Variants in AGBL1 observed in about 807,000 individuals in gnomAD.
The protein encoded by AGBL1 is AGBL carboxypeptidase 1.
In AGBL1, 130 loss-of-function variants were observed where a neutral mutation model predicts 118.9. That is an observed-to-expected ratio of 1.09 (90% CI 0.95 to 1.26). The LOEUF is 1.26. AGBL1 is among the 50% of genes most tolerant of loss of function. AGBL1 has a pLI of 0.00. For synonymous variants in AGBL1, 555 were observed against 478.9 expected (o/e 1.16, Z -2.08); for missense variants, 1,584 against 1,298.1 (o/e 1.22, Z -3.38).
At chr15:86,184,326 C>T (rs1385605431) in intron 5 of AGBL1, among the ~76,000 whole-genome samples, 1 of 151,962 alleles carries the variant, frequency 6.6e-6, no homozygotes, top group Non-Finnish European at 1.5e-5. Flanking sequence ...GTAATTCTGT[C>T]TGTTAAAGCA....
At chr15:86,367,810 CAT>C (rs1392958195) in intron 17 of AGBL1, among the ~76,000 whole-genome samples, 3 of 152,076 alleles carry the variant, frequency 2.0e-5, no homozygotes, top group Non-Finnish European at 4.4e-5. Context: ...ATGAAAAGAA[CAT>C]AAGTCCAGAA....
chr15:86,330,241 C>T (rs573238765), intron 17 of AGBL1, among the ~76,000 whole-genome samples: 2 of 152,186 alleles, frequency 1.3e-5, no homozygotes, highest in African/African-American at 4.8e-5. Flanking sequence ...AGTATATACC[C>T]AGCTGCATTG....
Position 86,934,163 on chromosome 15 carries a change from AGCT to A in AGBL1, c.3222-53819_3222-53817del, listed in dbSNP as rs1188028475. Among the ~76,000 whole-genome samples the A allele has an allele frequency of 3.9e-5, 6 of 152,334 alleles. No individual in the cohort carries two copies. In the East Asian group the frequency reaches 1.2e-3, roughly 29 times the overall value. ...GTCAGAATTATGATAAACAGCTAAAAGCTGCTGTGAGCTGGGGAGAGGAGTAAG... is the reference window on the plus strand; with the variant it reads ...GTCAGAATTATGATAAACAGCTAAAAGCTGTGAGCTGGGGAGAGGAGTAAG... On this transcript the variant is annotated intron_variant, in intron 23 of 24. Transcript: ENST00000441037.
chr15:86,354,129 C>T (rs1157183485), intron 17 of AGBL1, among the ~76,000 whole-genome samples: 1 of 152,186 alleles, frequency 6.6e-6, no homozygotes, highest in East Asian at 1.9e-4. Context: ...ATTCCCACAC[C>T]TTGTACATGG....
chr15:86,562,685 T>C (rs1489129366), intron 21 of AGBL1, among the ~76,000 whole-genome samples: 4 of 152,238 alleles, frequency 2.6e-5, no homozygotes, highest in African/African-American at 9.6e-5. Flanking sequence ...ATTCCCTCTT[T>C]TTCTATTGAT....
At chr15:86,697,587 A>G (rs1191796235) in intron 22 of AGBL1, among the ~76,000 whole-genome samples, 1 of 150,922 alleles carries the variant, frequency 6.6e-6, no homozygotes. Context: ...CCTTCTGACA[A>G]TTCAGGGATT....
At chr15:86,390,599 T>C (rs762928095) in intron 17 of AGBL1, among the ~76,000 whole-genome samples, 45 of 151,016 alleles carry the variant, frequency 3.0e-4, no homozygotes, top group South Asian at 2.1e-4. Flanking sequence ...ACAACATAGA[T>C]AGCTCCCAAA....
chr15:86,592,655 G>A (rs531308804), intron 21 of AGBL1, among the ~76,000 whole-genome samples: 123 of 152,250 alleles, frequency 8.1e-4, no homozygotes, highest in South Asian at 3.5e-3. Context: ...GAGGAAGGTC[G>A]CATAACAGTT....
chr15:86,919,240 G>C (rs191217520), downstream of AGBL1, among the ~76,000 whole-genome samples: 8 of 152,192 alleles, frequency 5.3e-5, no homozygotes, highest in East Asian at 1.5e-3. Context: ...CAACAAGACC[G>C]CTTAGCAAAG....
intron 22 of AGBL1, among the ~76,000 whole-genome samples, chr15:86,756,311 G>A (rs186132453): frequency 1.3e-5 from 2 of 151,638 alleles, no homozygotes; most frequent in African/African-American, 4.9e-5. Context: ...AGTGAAGTTT[G>A]CTATGTAATC....
At chr15:86,755,520 T>A (rs530644345) in intron 22 of AGBL1, among the ~76,000 whole-genome samples, 1 of 152,124 alleles carries the variant, frequency 6.6e-6, no homozygotes, top group African/African-American at 2.4e-5. Context: ...GAGTCTTTTC[T>A]GTTTTTCAGA....
At chr15:86,424,999 A>G (rs1231310834) in intron 18 of AGBL1, among the ~76,000 whole-genome samples, 2 of 152,216 alleles carry the variant, frequency 1.3e-5, no homozygotes, top group Non-Finnish European at 2.9e-5. Flanking sequence ...TCAAGAATCT[A>G]GAACCAGAAA....
In AGBL1 at chr15:86,782,830, A is replaced by C. The variant is rs148306127; in HGVS notation, c.3158+108394A>C. On this transcript the variant is annotated intron_variant, in intron 22 of 22. Coordinates refer to ENST00000614907, the MANE Select transcript of AGBL1 (RefSeq NM_001386094.1). ...ATACTTTATTCTTGTGAAGGTCAGC[A>C]GTGAAATGTTTTAAGAATTAAAGAC... is the stretch of plus-strand genomic sequence containing the variant. 9.5e-3 allele frequency among the ~76,000 whole-genome samples: 1,453 copies of C among 152,338 alleles called. 10 individuals carry two copies. Among genetic ancestry groups the C allele is most frequent in the Non-Finnish European group, 0.014 (930 of 68,018 alleles).
chr15:86,964,325 G>T (rs374642185), intron 23 of AGBL1, among the ~76,000 whole-genome samples: 9 of 151,916 alleles, frequency 5.9e-5, no homozygotes, highest in East Asian at 5.9e-4. Context: ...GTTGTGGAGG[G>T]TTATGCTATG....
chr15:86,277,274 A>AGG (rs1289309676), intron 15 of AGBL1, among the ~76,000 whole-genome samples: 2 of 118,462 alleles, frequency 1.7e-5, no homozygotes, highest in African/African-American at 7.4e-5. Context: ...GTAGCATGTT[A>AGG]GGAGAGAGAG....
intron 18 of AGBL1, among the ~76,000 whole-genome samples, chr15:86,482,194 A>G (rs1476931789): frequency 6.6e-6 from 1 of 152,180 alleles, no homozygotes; most frequent in Non-Finnish European, 1.5e-5. Flanking sequence ...ATATAAAATA[A>G]TAACAAGGCT....
chr15:86,246,864 C>T (rs1413559089), intron 6 of AGBL1, among the ~76,000 whole-genome samples: 1 of 151,744 alleles, frequency 6.6e-6, no homozygotes, highest in African/African-American at 2.4e-5. Flanking sequence ...TCCTTCCCCA[C>T]CTAACCTGAT....
At chr15:86,558,198 G>C (rs2083762459) in intron 21 of AGBL1, among the ~76,000 whole-genome samples, 1 of 152,094 alleles carries the variant, frequency 6.6e-6, no homozygotes, top group Non-Finnish European at 1.5e-5. Flanking sequence ...AGATGCTGCG[G>C]TCCACCCTCG....
At chr15:86,483,069 A>T (rs1442687640) in intron 18 of AGBL1, among the ~76,000 whole-genome samples, 2 of 151,962 alleles carry the variant, frequency 1.3e-5, no homozygotes, top group Non-Finnish European at 2.9e-5. Context: ...TATAAGCTAG[A>T]GGAGGAGTCA....
Sources: gnomAD v4.1 joint callset for allele counts (sites outside exome capture counted in the v4.1 genomes callset) on GRCh38, gnomAD v4.1.1 for gene constraint, MANE v1.5 for transcripts, NCBI Gene and HGNC (gene_info 2026-07-23, HGNC 2026-07-21) for gene names.